GLRX3: variants seen among roughly 807,000 people sequenced by gnomAD.
GLRX3 encodes the protein glutaredoxin-3.
A neutral mutation model predicts 49.5 loss-of-function variants in GLRX3; 22 were observed. That is an observed-to-expected ratio of 0.44 (90% CI 0.32 to 0.63). GLRX3 has a LOEUF of 0.63. GLRX3 is among the 30% of genes least tolerant of loss of function. GLRX3 has a pLI of 0.05. For missense variants in GLRX3, 385 were observed against 396.3 expected, an observed-to-expected ratio of 0.97 and a Z score of 0.24; for synonymous variants, 133 against 140.0, an observed-to-expected ratio of 0.95 and a Z score of 0.35.
chr10:130,160,576 C>T (rs920477995), intron 3 of GLRX3, among the ~76,000 whole-genome samples: 3 of 152,042 alleles, frequency 2.0e-5, no homozygotes, highest in African/African-American at 7.3e-5. Context: ...GTTAGACTGA[C>T]CTGATTTGAC....
chr10:130,169,355 C>T lies in GLRX3; in HGVS notation c.714-78C>T, dbSNP rs181342690. The T allele has an allele frequency of 5.0e-4, 420 of 839,760 alleles. 3 individuals are homozygous for T. The African/African-American group carries it at 5.5e-3, about 11-fold the overall frequency. 52.0% of individuals were successfully genotyped at this position (839,760 alleles called of 1,614,324 possible). ...GTCATCCTGCCATCCCTCAAATATG[C>T]ATGTTACTCACGAAGCGGAGGAAAA... On this transcript the variant is annotated intron_variant, in intron 6 of 10. Coordinates refer to ENST00000331244, the MANE Select transcript of GLRX3 (RefSeq NM_006541.5).
chr10:130,148,982 C>T (rs1862320693), intron 2 of GLRX3, among the ~76,000 whole-genome samples: 1 of 152,038 alleles, frequency 6.6e-6, no homozygotes, highest in Non-Finnish European at 1.5e-5. Flanking sequence ...TGCTTAAGTC[C>T]AGGAGTTAGA....
At chr10:130,145,790 T>G (rs1302861962) in intron 2 of GLRX3, among the ~76,000 whole-genome samples, 1 of 152,190 alleles carries the variant, frequency 6.6e-6, no homozygotes, top group African/African-American at 2.4e-5. Context: ...CTTAAAAATC[T>G]TAAAATAATT....
intron 2 of GLRX3, among the ~76,000 whole-genome samples, chr10:130,145,812 T>C (rs1489273006): frequency 3.3e-5 from 5 of 152,202 alleles, no homozygotes; most frequent in Admixed American, 1.3e-4. Flanking sequence ...TGCATTTTTT[T>C]TTTTTTTGAG....
intron 2 of GLRX3, among the ~76,000 whole-genome samples, chr10:130,157,024 C>CA (rs1314852230): frequency 2.0e-5 from 3 of 152,202 alleles, no homozygotes; most frequent in Non-Finnish European, 4.4e-5. Flanking sequence ...TCAGCTCTGC[C>CA]ATTTATTAGC....
At chr10:130,168,374 G>T (rs1862734191) in intron 6 of GLRX3, among the ~76,000 whole-genome samples, 2 of 152,190 alleles carry the variant, frequency 1.3e-5, no homozygotes, top group Non-Finnish European at 2.9e-5. Flanking sequence ...ATCCCACTCG[G>T]TTGGCAATGT....
At chr10:130,142,907 G>A (rs1302992277) in intron 1 of GLRX3, among the ~76,000 whole-genome samples, 1 of 152,158 alleles carries the variant, frequency 6.6e-6, no homozygotes, top group East Asian at 1.9e-4. Flanking sequence ...AGCCCCCTGA[G>A]GCGCTGACCT....
chr10:130,160,655 GA>G lies in GLRX3; in HGVS notation c.277-140del. On this transcript the variant is annotated intron_variant, in intron 3 of 10. Coordinates refer to ENST00000331244, the MANE Select transcript of GLRX3 (RefSeq NM_006541.5). The stretch of plus-strand genomic sequence containing the variant: ...AAAAAAATTATGTATTTCTAAAATT[GA>G]GATGCAGTGCAGGCAATTGGCAATG... 3 of 613,352 alleles carry G rather than the reference GA, an allele frequency of 4.9e-6. No individual in the cohort carries two copies. The South Asian group carries it at 6.0e-5, about 12-fold the overall frequency. The allele number at this position is 613,352 out of a possible 1,614,324, so 38.0% of individuals were successfully genotyped here.
At chr10:130,172,473 C>T (rs1388248618) in intron 8 of GLRX3, among the ~76,000 whole-genome samples, 1 of 152,104 alleles carries the variant, frequency 6.6e-6, no homozygotes, top group Admixed American at 6.5e-5. Flanking sequence ...AGCACATGTT[C>T]TATAGGGTTT....
chr10:130,176,781 T>G (rs1209573514), intron 10 of GLRX3, among the ~76,000 whole-genome samples: 1 of 133,086 alleles, frequency 7.5e-6, no homozygotes, highest in African/African-American at 2.8e-5. Flanking sequence ...TCTTTCTCTC[T>G]CTCTCTCTCT....
intron 3 of GLRX3, 29 bp from the exon 4 acceptor site, chr10:130,160,767 T>G: frequency 2.6e-6 from 3 of 1,164,234 alleles, no homozygotes; most frequent in Non-Finnish European, 3.9e-6. Context: ...GAATGCTGCA[T>G]GTATTCTAAA....
intron 10 of GLRX3, among the ~76,000 whole-genome samples, chr10:130,178,286 C>G (rs1862961381): frequency 6.6e-6 from 1 of 152,072 alleles, no homozygotes; most frequent in South Asian, 2.1e-4. Context: ...CTCACTCTGT[C>G]ACCCAGGCTG....
intron 3 of GLRX3, 58 bp from the exon 4 acceptor site, chr10:130,160,738 T>C: frequency 1.0e-6 from 1 of 997,324 alleles, no homozygotes; most frequent in Non-Finnish European, 1.6e-6. Context: ...AAATCTGCTA[T>C]AACAATGTCA....
chr10:130,144,947 A>G (rs991082473), intron 1 of GLRX3, among the ~76,000 whole-genome samples: 1 of 152,212 alleles, frequency 6.6e-6, no homozygotes, highest in Non-Finnish European at 1.5e-5. Flanking sequence ...ATGACTTTTA[A>G]TTGAGGTGGA....
At chr10:130,157,904 C>G (rs1279461717) in intron 2 of GLRX3, among the ~76,000 whole-genome samples, 1 of 152,104 alleles carries the variant, frequency 6.6e-6, no homozygotes, top group Non-Finnish European at 1.5e-5. Context: ...ATTGTTAAAA[C>G]TGTTACATTA....
intron 10 of GLRX3, among the ~76,000 whole-genome samples, chr10:130,176,955 G>T (rs2134932732): frequency 6.6e-6 from 1 of 152,194 alleles, no homozygotes; most frequent in East Asian, 1.9e-4. Flanking sequence ...CTAAAGCTAA[G>T]CTGCGTGGGT....
chr10:130,161,994 G>A (rs892376548), intron 4 of GLRX3, among the ~76,000 whole-genome samples: 1 of 151,960 alleles, frequency 6.6e-6, no homozygotes. Flanking sequence ...TTATTTTTTC[G>A]AGATGGAATT....
chr10:130,136,966 C>A (rs929675288), intron 1 of GLRX3, among the ~76,000 whole-genome samples: 4 of 152,160 alleles, frequency 2.6e-5, no homozygotes, highest in African/African-American at 9.7e-5. Context: ...CTGTGCCCGC[C>A]GGGAGGGAGC....
chr10:130,174,885 C>T lies in GLRX3; in HGVS notation c.843C>T (p.Phe281=), dbSNP rs146055832. Residue 281 remains phenylalanine (F), a synonymous_variant, in exon 9 of 11, where the codon TTC becomes TTT. Transcript: ENST00000331244. ...LNSTGVEYET[F]DILEDEEVRQ... The stretch of plus-strand genomic sequence containing the variant: ...TTTGCAGTGTTGAATATGAAACATT[C>T]GATATATTGGAGGATGAAGAAGTAA... 1.2e-5 allele frequency: 19 copies of T among 1,595,968 alleles called. No homozygotes were observed. In the Admixed American group the frequency reaches 1.7e-4, roughly 14 times the overall value.
Sources: gnomAD v4.1 joint callset for allele counts (sites outside exome capture counted in the v4.1 genomes callset) on GRCh38, gnomAD v4.1.1 for gene constraint, MANE v1.5 for transcripts, NCBI Gene and HGNC (gene_info 2026-07-23, HGNC 2026-07-21) for gene names.